The following DPP10 variants were observed in gnomAD, a reference collection of about 807,000 sequenced individuals.
DPP10 encodes the protein inactive dipeptidyl peptidase 10.
DPP10 carries 33 observed loss-of-function variants against 120.9 expected under a neutral mutation model. The ratio of observed to expected loss-of-function variants is 0.27; its 90% CI spans 0.21 to 0.37. DPP10 has a LOEUF of 0.37. Among genes scored for constraint, DPP10 ranks in the 10% least tolerant of loss-of-function variants. The pLI is 1.00. For missense variants in DPP10, 816 were observed against 942.8 expected, an observed-to-expected ratio of 0.87 and a Z score of 1.76; for synonymous variants, 337 against 326.1, an observed-to-expected ratio of 1.03 and a Z score of -0.36.
At chr2:115,325,475 A>G (rs2106129636) in intron 2 of DPP10, among the ~76,000 whole-genome samples, 1 of 152,268 alleles carries the variant, frequency 6.6e-6, no homozygotes, top group East Asian at 1.9e-4. Flanking sequence ...TGAAATGTGG[A>G]AAAACATAAA....
At chr2:115,077,132 G>A (rs1012275590) in intron 1 of DPP10, among the ~76,000 whole-genome samples, 2 of 152,044 alleles carry the variant, frequency 1.3e-5, no homozygotes, top group African/African-American at 2.4e-5. Flanking sequence ...CTTTCCATGC[G>A]AGCATTGTAT....
chr2:114,789,773 C>T (rs548773013), intron 1 of DPP10, among the ~76,000 whole-genome samples: 47 of 152,268 alleles, frequency 3.1e-4, no homozygotes, highest in Admixed American at 8.5e-4. Flanking sequence ...AATAATGACC[C>T]AAGGCAGTGT....
intron 1 of DPP10, among the ~76,000 whole-genome samples, chr2:114,474,520 G>C (rs1232991294): frequency 6.6e-6 from 1 of 152,088 alleles, no homozygotes; most frequent in Admixed American, 6.6e-5. Flanking sequence ...TTTCTCAGGG[G>C]ACTGAGTAAA....
intron 1 of DPP10, among the ~76,000 whole-genome samples, chr2:115,145,999 T>G (rs188033285): frequency 1.3e-5 from 2 of 152,262 alleles, no homozygotes; most frequent in Non-Finnish European, 1.5e-5. Context: ...CTAGGCACTA[T>G]GCAGAGTACT....
intron 1 of DPP10, among the ~76,000 whole-genome samples, chr2:115,273,297 A>G (rs1024380468): frequency 3.3e-5 from 5 of 152,110 alleles, no homozygotes; most frequent in East Asian, 1.9e-4. Flanking sequence ...CAGTTTATCT[A>G]TACCGTTTTT....
At chr2:114,792,961 T>G (rs1683375057) in intron 1 of DPP10, among the ~76,000 whole-genome samples, 2 of 151,444 alleles carry the variant, frequency 1.3e-5, no homozygotes, top group Non-Finnish European at 2.9e-5. Context: ...TTGGGCTTGG[T>G]CTTGTGGACC....
chr2:115,816,619 GTTT>G (rs200119642), intron 21 of DPP10, among the ~76,000 whole-genome samples: 5 of 103,718 alleles, frequency 4.8e-5, no homozygotes, highest in African/African-American at 7.1e-5. Flanking sequence ...TTTTTGTTTT[GTTT>G]TTTTTTTTTT....
chr2:114,561,298 G>C lies in DPP10; in HGVS notation c.60+118460G>C, dbSNP rs555704220. Among the ~76,000 whole-genome samples the C allele has an allele frequency of 3.3e-4, 50 of 152,182 alleles. 1 individual carries two copies. Among genetic ancestry groups the C allele is most frequent in the African/African-American group, 1.2e-3 (48 of 41,530 alleles). On this transcript the variant is annotated intron_variant, in intron 1 of 25. Coordinates refer to ENST00000410059, the MANE Select transcript of DPP10 (RefSeq NM_020868.6). ...AAGACAGGGTTTTTCTTTGTTTTTTGTTTAAGGAGAAAAGTGATATAAATG... is the reference window on the plus strand; with the variant it reads ...AAGACAGGGTTTTTCTTTGTTTTTTCTTTAAGGAGAAAAGTGATATAAATG...
chr2:114,894,017 A>T (rs755318344), intron 1 of DPP10, among the ~76,000 whole-genome samples: 2 of 152,058 alleles, frequency 1.3e-5, no homozygotes, highest in Non-Finnish European at 2.9e-5. Context: ...CTCTGCTATT[A>T]TCTATGCACC....
intron 1 of DPP10, among the ~76,000 whole-genome samples, chr2:115,286,485 A>ATT (rs2060381009): frequency 2.6e-5 from 1 of 38,588 alleles, no homozygotes; most frequent in Non-Finnish European, 6.2e-5. Flanking sequence ...TATGTAATAT[A>ATT]TATATAATAT....
chr2:115,612,458 C>T (rs531246197), intron 5 of DPP10, among the ~76,000 whole-genome samples: 17 of 152,148 alleles, frequency 1.1e-4, no homozygotes, highest in South Asian at 6.2e-4. Context: ...TTTTTGCATG[C>T]GAAATCTACT....
chr2:115,011,786 AC>A (rs1168782518), intron 1 of DPP10, among the ~76,000 whole-genome samples: 6 of 151,974 alleles, frequency 3.9e-5, no homozygotes, highest in Non-Finnish European at 7.4e-5. Context: ...GAATCCACAC[AC>A]CCTTTGAAAG....
chr2:114,640,478 G>A (rs1416423911), intron 1 of DPP10, among the ~76,000 whole-genome samples: 1 of 151,834 alleles, frequency 6.6e-6, no homozygotes, highest in African/African-American at 2.4e-5. Flanking sequence ...GTATGAAGGA[G>A]TATCTGTGAT....
intron 1 of DPP10, among the ~76,000 whole-genome samples, chr2:114,985,913 T>A (rs1700365429): frequency 6.6e-6 from 1 of 152,224 alleles, no homozygotes; most frequent in Non-Finnish European, 1.5e-5. Flanking sequence ...GTGTTTACAT[T>A]TCATTTTAAA....
At chr2:114,465,941 C>T (rs1294887562) in intron 1 of DPP10, among the ~76,000 whole-genome samples, 1 of 152,126 alleles carries the variant, frequency 6.6e-6, no homozygotes, top group Non-Finnish European at 1.5e-5. Context: ...AAAATGTATT[C>T]CTTTCATCTA....
At chr2:115,467,632 A>C (rs768072488) in intron 3 of DPP10, among the ~76,000 whole-genome samples, 1 of 152,136 alleles carries the variant, frequency 6.6e-6, no homozygotes, top group Admixed American at 6.6e-5. Flanking sequence ...GATGCTCACT[A>C]TTCCTGTGAG....
intron 1 of DPP10, among the ~76,000 whole-genome samples, chr2:114,924,503 G>A (rs1695448313): frequency 6.6e-6 from 1 of 151,198 alleles, no homozygotes; most frequent in African/African-American, 2.4e-5. Flanking sequence ...TCCAGCCTGG[G>A]CAACAGAGTG....
At chr2:114,515,795 A>G (rs1241423346) in intron 1 of DPP10, among the ~76,000 whole-genome samples, 2 of 142,340 alleles carry the variant, frequency 1.4e-5, no homozygotes, top group African/African-American at 2.5e-5. Context: ...TAACATCTAC[A>G]TCTCATATCA....
At chr2:115,485,793 A>G (rs1357317179) in intron 3 of DPP10, among the ~76,000 whole-genome samples, 3 of 152,142 alleles carry the variant, frequency 2.0e-5, no homozygotes, top group Non-Finnish European at 4.4e-5. Context: ...TGAGAACTAT[A>G]ACATCTATTA....
Sources: gnomAD v4.1 joint callset for allele counts (sites outside exome capture counted in the v4.1 genomes callset) on GRCh38, gnomAD v4.1.1 for gene constraint, MANE v1.5 for transcripts, NCBI Gene and HGNC (gene_info 2026-07-23, HGNC 2026-07-21) for gene names.